The following HIPK2 variants were observed in gnomAD, a reference collection of about 807,000 sequenced individuals.
HIPK2 encodes the protein homeodomain interacting protein kinase 2, also known as homeodomain-interacting protein kinase 2.
A neutral mutation model predicts 113.7 loss-of-function variants in HIPK2; 27 were observed. The observed-to-expected ratio is 0.24, with a 90% CI of 0.17 to 0.33. The LOEUF is 0.33. Among genes scored for constraint, HIPK2 ranks in the 10% least tolerant of loss-of-function variants. The pLI, the probability that HIPK2 is intolerant of heterozygous loss-of-function variation, is 1.00. For missense variants in HIPK2, 1,257 were observed against 1,588.0 expected (o/e 0.79, Z 3.54); for synonymous variants, 631 against 642.2 (o/e 0.98, Z 0.26).
At chr7:139,703,763 C>T (rs1794783500) in intron 2 of HIPK2, among the ~76,000 whole-genome samples, 1 of 7,184 alleles carries the variant, frequency 1.4e-4, no homozygotes, top group Non-Finnish European at 2.8e-4. Flanking sequence ...CACACACACA[C>T]CCACACACTA....
chr7:139,751,750 C>A (rs1023780234), intron 1 of HIPK2, among the ~76,000 whole-genome samples: 1 of 152,266 alleles, frequency 6.6e-6, no homozygotes, highest in African/African-American at 2.4e-5. Flanking sequence ...CTTGAGAAGG[C>A]AGATGCCATA....
intron 2 of HIPK2, among the ~76,000 whole-genome samples, chr7:139,691,561 C>T (rs1794406616): frequency 1.3e-5 from 2 of 152,220 alleles, no homozygotes; most frequent in Non-Finnish European, 2.9e-5. Context: ...CTATGTGAAA[C>T]ACTGGACCAA....
At chr7:139,636,967 T>C (rs551532646) in intron 2 of HIPK2, among the ~76,000 whole-genome samples, 2 of 152,270 alleles carry the variant, frequency 1.3e-5, no homozygotes, top group East Asian at 3.9e-4. Flanking sequence ...TCTAAACATA[T>C]TCCTTCCACT....
rs894303997 is a variant in HIPK2 at position 139,573,586 on chromosome 7, A to G, written c.3127-189T>C. 2.6e-5 allele frequency among the ~76,000 whole-genome samples: 4 copies of G among 152,172 alleles called. No individual in the cohort carries two copies. The East Asian group carries it at 7.7e-4, about 29-fold the overall frequency. ...ACCTGGCGCAGTGGCTCACGCCTGT[A>G]ATCTCAGCACTTTGGGAGGCAGAGG... On this transcript the variant is annotated intron_variant, in intron 14 of 14. Transcript: ENST00000406875.
At chr7:139,608,049 G>C (rs1247929835) in intron 9 of HIPK2, among the ~76,000 whole-genome samples, 2 of 151,910 alleles carry the variant, frequency 1.3e-5, no homozygotes, top group African/African-American at 4.8e-5. Context: ...GACCAGCCTG[G>C]CCAACACATT....
chr7:139,722,867 CTTT>C (rs879295646), intron 1 of HIPK2, among the ~76,000 whole-genome samples: 2 of 144,298 alleles, frequency 1.4e-5, no homozygotes, highest in African/African-American at 2.5e-5. Context: ...GATCTAAATT[CTTT>C]TTTTTTTTTG....
chr7:139,597,120 C>T, intron 11 of HIPK2, 122 bp from the exon 12 acceptor site: 1 of 1,005,580 alleles, frequency 9.9e-7, no homozygotes, highest in Non-Finnish European at 1.4e-6. Context: ...TCAGTGGCTG[C>T]CCAATGAGCC....
intron 2 of HIPK2, among the ~76,000 whole-genome samples, chr7:139,708,272 C>T (rs866713477): frequency 1.3e-5 from 2 of 152,090 alleles, no homozygotes; most frequent in Non-Finnish European, 2.9e-5. Flanking sequence ...ATGGCATAGG[C>T]TGTGGTGGTT....
chr7:139,633,336 G>C (rs1278246561), intron 2 of HIPK2, among the ~76,000 whole-genome samples: 1 of 151,984 alleles, frequency 6.6e-6, no homozygotes, highest in Non-Finnish European at 1.5e-5. Flanking sequence ...AGGGCGATCA[G>C]AAACACCCCC....
chr7:139,759,896 T>C (rs1192587438), intron 1 of HIPK2, among the ~76,000 whole-genome samples: 2 of 152,210 alleles, frequency 1.3e-5, no homozygotes, highest in Non-Finnish European at 2.9e-5. Flanking sequence ...TGTGTATACT[T>C]CTCTATATTG....
At chr7:139,590,516 T>C (rs928393297) in intron 12 of HIPK2, among the ~76,000 whole-genome samples, 22 of 152,184 alleles carry the variant, frequency 1.4e-4, no homozygotes, top group African/African-American at 4.1e-4. Flanking sequence ...TCAAAACTCA[T>C]CTCCTCCAAT....
At chr7:139,702,227 C>A (rs1794729625) in intron 2 of HIPK2, among the ~76,000 whole-genome samples, 1 of 152,132 alleles carries the variant, frequency 6.6e-6, no homozygotes, top group African/African-American at 2.4e-5. Flanking sequence ...CAGGAGTGGC[C>A]CTGAAAACCC....
rs935677676 is a variant in HIPK2 at position 139,708,475 on chromosome 7, C to A, written c.1103+7457G>T. ...TCATTAGGTTTGTTTCGGCAAGTAC[C>A]CTGGGTGATGATGGGGCAGGAGGGT... On this transcript the variant is annotated intron_variant, in intron 2 of 14. Coordinates refer to ENST00000406875, the MANE Select transcript of HIPK2 (RefSeq NM_022740.5). Among the ~76,000 whole-genome samples the A allele has an allele frequency of 7.9e-5, 12 of 152,224 alleles. No homozygotes were observed. The East Asian group carries it at 1.5e-3, about 20-fold the overall frequency.
chr7:139,581,807 T>G (rs748213640), intron 13 of HIPK2, among the ~76,000 whole-genome samples: 1 of 152,232 alleles, frequency 6.6e-6, no homozygotes, highest in Non-Finnish European at 1.5e-5. Flanking sequence ...AGACGAGGAA[T>G]GCCCCTGCTC....
At chr7:139,692,186 C>T (rs1794427534) in intron 2 of HIPK2, among the ~76,000 whole-genome samples, 1 of 152,164 alleles carries the variant, frequency 6.6e-6, no homozygotes, top group African/African-American at 2.4e-5. Flanking sequence ...GTATCTGAAA[C>T]AGTATTTTCT....
intron 2 of HIPK2, among the ~76,000 whole-genome samples, chr7:139,666,637 TACA>T (rs964421260): frequency 3.9e-5 from 6 of 152,206 alleles, no homozygotes; most frequent in African/African-American, 1.2e-4. Flanking sequence ...GGCACCACAG[TACA>T]ACAAGACACC....
chr7:139,596,584 G>C (rs1012481203), intron 12 of HIPK2, 133 bp downstream of exon 12: 8 of 1,224,800 alleles, frequency 6.5e-6, no homozygotes, highest in African/African-American at 1.5e-5. Flanking sequence ...TAGGACCACA[G>C]TAGATGGCAA....
intron 1 of HIPK2, among the ~76,000 whole-genome samples, chr7:139,756,351 A>C (rs1307061137): frequency 6.6e-6 from 1 of 152,200 alleles, no homozygotes; most frequent in Non-Finnish European, 1.5e-5. Context: ...TTTTCCTAAA[A>C]AGTATATGTA....
Position 139,716,826 on chromosome 7 carries a change from G to T in HIPK2, c.209C>A (p.Ser70Tyr). The change falls in exon 2 of 15, where the codon TCC (serine) becomes TAC (tyrosine). Residue 70 changes from serine to tyrosine, a missense_variant. By Grantham distance (144) the Ser-to-Tyr change is moderately radical (BLOSUM62 -2). Coordinates refer to ENST00000406875, the MANE Select transcript of HIPK2 (RefSeq NM_022740.5). The surrounding 1 kb of genome is among the most constrained non-coding windows in gnomAD (Gnocchi z 9.3). The stretch of plus-strand genomic sequence containing the variant: ...TAGGCTTGGGTTTGGGACCGGCAAG[G>T]AGGTGCTGACGGTTGTGGTGGCTGG... The part of the protein sequence containing the change: ...SQPATTTVST[S>Y]LPVPNPSLPY... 3.1e-6 allele frequency: 5 copies of T among 1,613,936 alleles called. No individual in the cohort carries two copies. The highest frequency in any genetic ancestry group is 4.2e-6 in the Non-Finnish European group (5 of 1,179,878).
Sources: gnomAD v4.1 joint callset for allele counts (sites outside exome capture counted in the v4.1 genomes callset) on GRCh38, gnomAD v4.1.1 for gene constraint, Gnocchi (gnomAD v3.1) non-coding constraint, MANE v1.5 for transcripts, NCBI Gene and HGNC (gene_info 2026-07-23, HGNC 2026-07-21) for gene names.